THSD7B: variants seen among roughly 807,000 people sequenced by gnomAD.
THSD7B encodes the protein thrombospondin type-1 domain-containing protein 7B.
In THSD7B, 138 loss-of-function variants were observed where a neutral mutation model predicts 213.6. That is an observed-to-expected ratio of 0.65 (90% CI 0.56 to 0.74). The LOEUF (loss-of-function observed/expected upper bound fraction) is 0.74. Ranked by LOEUF, THSD7B falls within the 30% of genes least tolerant of loss-of-function variation. The probability of loss-of-function intolerance (pLI) is 0.00; values close to 1 mark genes in which losing one functional copy is unlikely to be tolerated. For synonymous variants in THSD7B, 742 were observed against 687.0 expected, an observed-to-expected ratio of 1.08 and a Z score of -1.25; for missense variants, 1,931 against 1,991.5, an observed-to-expected ratio of 0.97 and a Z score of 0.58.
chr2:137,240,172 C>A (rs753455467), intron 9 of THSD7B, among the ~76,000 whole-genome samples: 12 of 152,166 alleles, frequency 7.9e-5, no homozygotes, highest in Non-Finnish European at 1.5e-4. Flanking sequence ...TCTCTGAACA[C>A]CTGCTTTGTT....
intron 7 of THSD7B, 36 bp from the exon 8 acceptor site, chr2:137,231,008 A>G (rs973044159): frequency 1.3e-6 from 2 of 1,596,060 alleles, no homozygotes; most frequent in Admixed American, 1.7e-5. Context: ...TTGATTGTGC[A>G]TTAATCACCA....
At chr2:137,292,162 C>T (rs780043626) in intron 12 of THSD7B, among the ~76,000 whole-genome samples, 1 of 152,142 alleles carries the variant, frequency 6.6e-6, no homozygotes, top group Non-Finnish European at 1.5e-5. Context: ...TTCAGGACTA[C>T]TCAAAATGCT....
intron 20 of THSD7B, among the ~76,000 whole-genome samples, chr2:137,623,740 G>C (rs1316088947): frequency 6.6e-6 from 1 of 152,176 alleles, no homozygotes. Context: ...TTGCTTCAAA[G>C]AGAATAAAAT....
chr2:136,993,370 G>C (rs572395010), intron 2 of THSD7B, among the ~76,000 whole-genome samples: 1 of 152,322 alleles, frequency 6.6e-6, no homozygotes, highest in African/African-American at 2.4e-5. Flanking sequence ...GCATAGTCCA[G>C]AGTGCACAAA....
chr2:137,157,645 ACAAACT>A (rs1327334562), intron 5 of THSD7B, among the ~76,000 whole-genome samples: 2 of 152,202 alleles, frequency 1.3e-5, no homozygotes, highest in Non-Finnish European at 2.9e-5. Flanking sequence ...GGTTAAGAAG[ACAAACT>A]CAGACCCAGA....
At chr2:136,770,948 A>G (rs1271899120) in intron 1 of THSD7B, among the ~76,000 whole-genome samples, 3 of 152,094 alleles carry the variant, frequency 2.0e-5, no homozygotes, top group African/African-American at 4.8e-5. Context: ...AATATAAAAT[A>G]AGGATATTAA....
intron 12 of THSD7B, among the ~76,000 whole-genome samples, chr2:137,293,381 A>G (rs1176508650): frequency 1.3e-5 from 2 of 152,026 alleles, no homozygotes; most frequent in Non-Finnish European, 2.9e-5. Context: ...CAAGTGATTT[A>G]TCTGCCTTGG....
chr2:137,246,122 T>A (rs548126200), intron 10 of THSD7B, among the ~76,000 whole-genome samples: 45 of 152,036 alleles, frequency 3.0e-4, no homozygotes, highest in African/African-American at 8.7e-4. Flanking sequence ...AGGGGAGTGG[T>A]TAAAAGTGGT....
chr2:137,450,761 C>A, intron 14 of THSD7B, 84 bp from the exon 15 acceptor site: 2 of 1,122,572 alleles, frequency 1.8e-6, no homozygotes, highest in South Asian at 2.0e-5. Context: ...TTGAAAAAAT[C>A]CAAACTGTGA....
At chr2:137,317,102 G>C (rs1684128807) in intron 12 of THSD7B, among the ~76,000 whole-genome samples, 1 of 152,020 alleles carries the variant, frequency 6.6e-6, no homozygotes, top group South Asian at 2.1e-4. Flanking sequence ...GTTTTTTCCT[G>C]GTGATGGAGA....
chr2:137,014,222 G>T (rs1224571554), intron 2 of THSD7B, among the ~76,000 whole-genome samples: 1 of 152,180 alleles, frequency 6.6e-6, no homozygotes, highest in Non-Finnish European at 1.5e-5. Flanking sequence ...GGATGGTGAA[G>T]TTAGGACGTG....
intron 12 of THSD7B, among the ~76,000 whole-genome samples, chr2:137,346,934 A>T (rs964596282): frequency 6.6e-6 from 1 of 151,680 alleles, no homozygotes; most frequent in Non-Finnish European, 1.5e-5. Context: ...CATTATTTCA[A>T]ATAAATACAT....
chr2:136,768,342 A>G (rs1681444212), intron 1 of THSD7B, among the ~76,000 whole-genome samples: 1 of 152,244 alleles, frequency 6.6e-6, no homozygotes. Context: ...AAAGCATGTC[A>G]ACTCACTTTA....
intron 2 of THSD7B, among the ~76,000 whole-genome samples, chr2:137,054,174 T>G (rs1321695575): frequency 6.6e-6 from 1 of 152,220 alleles, no homozygotes; most frequent in Non-Finnish European, 1.5e-5. Context: ...ATCACCGTTT[T>G]CAACGCGTGT....
chr2:137,225,575 T>C, intron 7 of THSD7B, among the ~76,000 whole-genome samples: 1 of 152,132 alleles, frequency 6.6e-6, no homozygotes, highest in Non-Finnish European at 1.5e-5. Context: ...TGAGAAAGTT[T>C]TTTAACTTCT....
At chr2:137,145,754 A>G (rs532623000) in intron 5 of THSD7B, among the ~76,000 whole-genome samples, 2 of 152,102 alleles carry the variant, frequency 1.3e-5, no homozygotes, top group South Asian at 4.1e-4. Flanking sequence ...TATGTTATTT[A>G]AAGAACTATA....
chr2:137,448,163 T>G (rs115770282), intron 14 of THSD7B, among the ~76,000 whole-genome samples: 1 of 152,304 alleles, frequency 6.6e-6, no homozygotes, highest in African/African-American at 2.4e-5. Context: ...GATAGAGTAC[T>G]TATTAAAGTG....
chr2:136,953,221 G>A (rs570286102), intron 2 of THSD7B, among the ~76,000 whole-genome samples: 1 of 152,158 alleles, frequency 6.6e-6, no homozygotes, highest in African/African-American at 2.4e-5. Context: ...GCAGCAGAGG[G>A]CCTCTCTGGA....
intron 10 of THSD7B, among the ~76,000 whole-genome samples, chr2:137,251,472 C>T (rs1290846892): frequency 1.3e-5 from 2 of 152,156 alleles, no homozygotes; most frequent in Non-Finnish European, 2.9e-5. Context: ...AGTCATTTCC[C>T]ACTCGTGCTT....
Sources: allele counts gnomAD v4.1 joint callset (sites outside exome capture counted in the v4.1 genomes callset), GRCh38; gene constraint gnomAD v4.1.1; transcripts MANE v1.5; gene names NCBI Gene and HGNC (gene_info 2026-07-23, HGNC 2026-07-21).